TANC1: variants seen among roughly 807,000 people sequenced by gnomAD.
TANC1 encodes protein TANC1.
TANC1 carries 77 observed loss-of-function variants against 149.7 expected under a neutral mutation model. The ratio of observed to expected loss-of-function variants is 0.51; its 90% confidence interval spans 0.43 to 0.62. The LOEUF (loss-of-function observed/expected upper bound fraction) is 0.62, where lower values mean the gene tolerates loss of function less well. TANC1 is among the 20% of genes least tolerant of loss of function. TANC1 has a pLI of 0.00. For synonymous variants in TANC1, 854 were observed against 925.0 expected, an observed-to-expected ratio of 0.92 and a Z score of 1.39; for missense variants, 1,985 against 2,321.8, an observed-to-expected ratio of 0.85 and a Z score of 2.98.
chr2:159,028,421 T>C (rs2039523976), intron 2 of TANC1, among the ~76,000 whole-genome samples: 1 of 152,162 alleles, frequency 6.6e-6, no homozygotes, highest in Admixed American at 6.6e-5. Flanking sequence ...ATGTCGGGCC[T>C]ATTCTTTACT....
At chr2:159,027,814 C>T (rs137910795) in intron 2 of TANC1, among the ~76,000 whole-genome samples, 26 of 152,324 alleles carry the variant, frequency 1.7e-4, no homozygotes, top group African/African-American at 6.0e-4. Flanking sequence ...TTATTTCTCA[C>T]AGTTCTGGAG....
At chr2:159,008,815 G>A (rs902680145) in intron 2 of TANC1, among the ~76,000 whole-genome samples, 1 of 152,044 alleles carries the variant, frequency 6.6e-6, no homozygotes, top group Non-Finnish European at 1.5e-5. Flanking sequence ...AAAGTATTCG[G>A]TTGATCTATT....
At chr2:159,165,834 G>A (rs1386140432) in intron 8 of TANC1, among the ~76,000 whole-genome samples, 1 of 152,258 alleles carries the variant, frequency 6.6e-6, no homozygotes, top group African/African-American at 2.4e-5. Context: ...CCAGACCTCT[G>A]TTCACAGCCT....
intron 14 of TANC1, among the ~76,000 whole-genome samples, chr2:159,182,474 A>T (rs182288369): frequency 6.6e-6 from 1 of 152,320 alleles, no homozygotes; most frequent in Admixed American, 6.5e-5. Context: ...TGTTCACATC[A>T]GGATCCAAAA....
At chr2:158,990,673 G>C (rs1267491511) in intron 1 of TANC1, among the ~76,000 whole-genome samples, 1 of 152,164 alleles carries the variant, frequency 6.6e-6, no homozygotes, top group Non-Finnish European at 1.5e-5. Flanking sequence ...ATGCAGTTGG[G>C]GGTTGGCTGG....
At chr2:159,138,028 C>T (rs113890034) in intron 5 of TANC1, among the ~76,000 whole-genome samples, 3,029 of 152,274 alleles carry the variant, frequency 0.02, 60 homozygotes, top group Non-Finnish European at 0.034. Context: ...CCTTTCTTGA[C>T]GAATGGAAGT....
At chr2:159,035,757 C>G (rs2040138312) in intron 2 of TANC1, among the ~76,000 whole-genome samples, 1 of 152,184 alleles carries the variant, frequency 6.6e-6, no homozygotes. Context: ...AGCTGCCTTC[C>G]TTGAGATCTC....
Position 159,230,789 on chromosome 2 carries a change from C to G in TANC1, c.5363C>G (p.Ser1788Cys), listed in dbSNP as rs1257299941. ...YNNQAKTCSV[S>C]TLSASVHNGA... ...AACCAAGCCAAAACCTGTTCTGTTT[C>G]TACCCTGAGTGCAAGTGTCCACAAT... The change falls in exon 27 of 27, where the codon TCT (serine) becomes TGT (cysteine). Residue 1788 changes from serine (S) to cysteine (C), a missense_variant. By Grantham distance (112) the Ser-to-Cys change is moderately radical. Coordinates refer to ENST00000263635, the MANE Select transcript of TANC1 (RefSeq NM_033394.3). The surrounding 1 kb of genome is among the most constrained non-coding windows in gnomAD (Gnocchi z 4.4). 6.2e-7 allele frequency: 1 copy of G among 1,614,220 alleles called. No individual in the cohort carries two copies. The highest frequency in any genetic ancestry group is 1.1e-5 in the South Asian group (1 of 91,078).
At chr2:158,982,500 C>T (rs1261737011) in intron 1 of TANC1, among the ~76,000 whole-genome samples, 3 of 152,248 alleles carry the variant, frequency 2.0e-5, no homozygotes, top group Non-Finnish European at 4.4e-5. Flanking sequence ...AAAGGCGAAG[C>T]CCTGTATGAA....
chr2:159,025,926 TG>T (rs761799929), intron 2 of TANC1, among the ~76,000 whole-genome samples: 3 of 152,104 alleles, frequency 2.0e-5, no homozygotes, highest in Non-Finnish European at 4.4e-5. Flanking sequence ...TTTGCTTCAG[TG>T]TTTTTTGCTA....
At chr2:159,186,349 C>T (rs923984124) in intron 15 of TANC1, among the ~76,000 whole-genome samples, 1 of 152,322 alleles carries the variant, frequency 6.6e-6, no homozygotes, top group South Asian at 2.1e-4. Context: ...AAGCCATCCT[C>T]CCGCCTCAGC....
intron 22 of TANC1, 83 bp from the exon 23 acceptor site, chr2:159,224,149 G>A: frequency 6.5e-7 from 1 of 1,537,512 alleles, no homozygotes; most frequent in Non-Finnish European, 8.9e-7. Flanking sequence ...TCAGAGTGAA[G>A]CTAAGACTGC....
intron 7 of TANC1, among the ~76,000 whole-genome samples, chr2:159,154,555 C>T (rs2053214948): frequency 6.6e-6 from 1 of 152,136 alleles, no homozygotes; most frequent in Admixed American, 6.5e-5. Context: ...CTTAGCAAAC[C>T]CCTCCTGCCC....
intron 14 of TANC1, among the ~76,000 whole-genome samples, chr2:159,179,430 T>A (rs990727820): frequency 6.6e-6 from 1 of 152,000 alleles, no homozygotes. Context: ...GCCTGTGTGG[T>A]CCTTCCTTAC....
At position 159,230,279 on chromosome 2, in the gene TANC1, A is replaced by G; in HGVS notation, c.4853A>G (p.His1618Arg). Residue 1618 changes from histidine (H) to arginine (R), a missense_variant, in exon 27 of 27, where the codon CAC becomes CGC. Coordinates refer to ENST00000263635, the MANE Select transcript of TANC1 (RefSeq NM_033394.3). The surrounding 1 kb of genome is among the most constrained non-coding windows in gnomAD (Gnocchi z 4.4). ...CAGTGTGGTGAGAATGGCCCTGCAC[A>G]CCCTTTACCAAGTAAGACGAAAACC... is the stretch of plus-strand genomic sequence containing the variant. The part of the protein sequence containing the change: ...RLQCGENGPA[H>R]PLPSKTKTTE... 1.9e-6 allele frequency: 3 copies of G among 1,613,954 alleles called. No homozygotes were observed. Among genetic ancestry groups the G allele is most frequent in the Non-Finnish European group, 2.5e-6 (3 of 1,180,018 alleles).
Position 159,175,192 on chromosome 2 carries a change from G to A in TANC1, c.1735+8G>A, listed in dbSNP as rs780832999. ...TCACAAACCTGAGAAATGGTACTTC[G>A]CAGCAGCTACCCACAGCCCCATCTC... On this transcript the variant is annotated splice_region_variant and intron_variant, in intron 12 of 26. Coordinates refer to ENST00000263635, the MANE Select transcript of TANC1 (RefSeq NM_033394.3). 4.9e-5 allele frequency: 79 copies of A among 1,607,586 alleles called. No individual in the cohort carries two copies. The South Asian group carries it at 7.8e-4, about 16-fold the overall frequency.
intron 19 of TANC1, among the ~76,000 whole-genome samples, chr2:159,200,307 G>A (rs2058153567): frequency 6.6e-6 from 1 of 152,106 alleles, no homozygotes; most frequent in African/African-American, 2.4e-5. Context: ...GATTCACTAG[G>A]GGGAAAGCCC....
chr2:159,123,199 T>C lies in TANC1; in HGVS notation c.260-12995T>C, dbSNP rs553992986. Among the ~76,000 whole-genome samples the C allele has an allele frequency of 1.2e-3, 179 of 152,146 alleles. 2 individuals are homozygous for C. The highest frequency in any genetic ancestry group is 1.9e-3 in the South Asian group (9 of 4,818). On this transcript the variant is annotated intron_variant, in intron 4 of 26. Transcript: ENST00000263635. ...GCAGATGCATGCCAGAGCAGGTAGG[T>C]GTGAGGATGGGGCTGAAGAATTTCC... is the stretch of plus-strand genomic sequence containing the variant.
chr2:159,121,544 T>C (rs987060536), intron 4 of TANC1, among the ~76,000 whole-genome samples: 1 of 152,116 alleles, frequency 6.6e-6, no homozygotes, highest in African/African-American at 2.4e-5. Context: ...ATGTTGGCCA[T>C]GTCTCAAACT....
Sources: gnomAD v4.1 joint callset for allele counts (sites outside exome capture counted in the v4.1 genomes callset) on GRCh38, gnomAD v4.1.1 for gene constraint, Gnocchi (gnomAD v3.1) non-coding constraint, MANE v1.5 for transcripts, NCBI Gene and HGNC (gene_info 2026-07-23, HGNC 2026-07-21) for gene names.